The following ZNF726 variants were observed in gnomAD, a reference collection of about 807,000 sequenced individuals.
The protein encoded by ZNF726 is zinc finger protein 726.
In ZNF726, 15 loss-of-function variants were observed where a neutral mutation model predicts 11.6. The ratio of observed to expected loss-of-function variants is 1.29; its 90% confidence interval spans 0.86 to 1.99. The LOEUF is 1.99. Among genes scored for constraint, ZNF726 ranks in the 30% most tolerant of loss-of-function variants. The pLI, the probability that ZNF726 is intolerant of heterozygous loss-of-function variation, is 0.00. For missense variants in ZNF726, 890 were observed against 725.6 expected (o/e 1.23, Z -2.60); for synonymous variants, 295 against 243.6 (o/e 1.21, Z -1.96).
At chr19:23,935,170 G>T (rs1320450515), downstream of ZNF726, 1 of 401,100 alleles carries the variant, frequency 2.5e-6, no homozygotes, top group South Asian at 1.8e-5. Flanking sequence ...ACATGTTGTG[G>T]GGAGAGACCC....
chr19:23,932,890 G>T lies in ZNF726; in HGVS notation c.774G>T (p.Lys258Asn). The change falls in exon 4 of 4, where the codon AAG becomes AAT. Residue 258 changes from lysine to asparagine, a missense_variant. Coordinates refer to ENST00000594466, the MANE Select transcript of ZNF726 (RefSeq NM_001244038.2). ...CTCATACTGGAGAGAAGCCTTACAA[G>T]TGTGAAGAATGTGGCAAAGCATTTA... ...KVTHTGEKPY[K>N]CEECGKAFSQ... The T allele has an allele frequency of 6.2e-7, 1 of 1,609,536 alleles. No homozygotes were observed. The highest frequency in any genetic ancestry group is 8.5e-7 in the Non-Finnish European group (1 of 1,178,380).
chr19:23,922,322 T>G (rs756555098), intron 3 of ZNF726, among the ~76,000 whole-genome samples: 1 of 152,192 alleles, frequency 6.6e-6, no homozygotes, highest in Non-Finnish European at 1.5e-5. Context: ...CAGGTCACTT[T>G]GGATTTCTAC....
intron 3 of ZNF726, among the ~76,000 whole-genome samples, chr19:23,922,497 C>T (rs1967877703): frequency 6.6e-6 from 1 of 152,208 alleles, no homozygotes; most frequent in African/African-American, 2.4e-5. Flanking sequence ...TGCCCATTGG[C>T]TCCCAAGACT....
rs746387409 is a variant in ZNF726 at position 23,932,905 on chromosome 19, C to A, written c.789C>A (p.Gly263=). The A allele has an allele frequency of 1.2e-6, 2 of 1,610,152 alleles. No homozygotes were observed. The highest frequency in any genetic ancestry group is 1.7e-6 in the Non-Finnish European group (2 of 1,178,748). The change falls in exon 4 of 4, where the codon GGC becomes GGA. Residue 263 remains glycine, a synonymous_variant. Coordinates refer to ENST00000594466, the MANE Select transcript of ZNF726 (RefSeq NM_001244038.2). ...AGCCTTACAAGTGTGAAGAATGTGG[C>A]AAAGCATTTAGCCAATCCTCAACAC... ...GEKPYKCEEC[G]KAFSQSSTLT...
chr19:23,935,514 T>A (rs186651669), downstream of ZNF726: 1 of 410,218 alleles, frequency 2.4e-6, no homozygotes, highest in South Asian at 1.9e-5. Context: ...TTAACAGATA[T>A]AAGATTATTC....
downstream of ZNF726, chr19:23,935,610 C>T: frequency 6.3e-6 from 2 of 315,938 alleles, no homozygotes; most frequent in East Asian, 1.6e-4. Flanking sequence ...AATCATGCTG[C>T]TGACAAATCC....
intron 3 of ZNF726, among the ~76,000 whole-genome samples, chr19:23,929,899 C>A (rs1326459513): frequency 6.6e-6 from 1 of 151,954 alleles, no homozygotes; most frequent in African/African-American, 2.4e-5. Context: ...TAATAGAGAG[C>A]TTTATTTTAT....
chr19:23,939,975 C>T (rs1968312530), intron 3 of ZNF726, among the ~76,000 whole-genome samples: 1 of 146,440 alleles, frequency 6.8e-6, no homozygotes, highest in South Asian at 2.2e-4. Context: ...TCTGTGAGTT[C>T]TCTGTTTACT....
At chr19:23,915,835 G>T (rs1395984936) in intron 1 of ZNF726, among the ~76,000 whole-genome samples, 3 of 152,064 alleles carry the variant, frequency 2.0e-5, no homozygotes, top group Non-Finnish European at 4.4e-5. Flanking sequence ...ACCCACCTCG[G>T]CCTTCCAAAG....
chr19:23,914,967 C>A lies in ZNF726; in HGVS notation c.-28C>A, dbSNP rs577493846. 1.2e-6 allele frequency: 2 copies of A among 1,613,590 alleles called. No individual in the cohort carries two copies. Among genetic ancestry groups the A allele is most frequent in the African/African-American group, 2.7e-5 (2 of 75,050 alleles). On this transcript the variant is annotated 5_prime_UTR_variant, in exon 1 of 4. The change creates a new upstream start codon in the 5' untranslated region. Coordinates refer to ENST00000594466, the MANE Select transcript of ZNF726 (RefSeq NM_001244038.2). The stretch of plus-strand genomic sequence containing the variant: ...TTTTAGGGGCGCAGCCTCTGTGGCC[C>A]TGTGACCTGCCCCCTGGAAGCCTAG...
chr19:23,924,445 A>G (rs955748094), intron 3 of ZNF726, among the ~76,000 whole-genome samples: 1 of 152,160 alleles, frequency 6.6e-6, no homozygotes, highest in African/African-American at 2.4e-5. Flanking sequence ...TGATGAATAT[A>G]TATTTCCTTT....
downstream of ZNF726, among the ~76,000 whole-genome samples, chr19:23,936,907 T>C (rs1041881376): frequency 6.6e-6 from 1 of 152,096 alleles, no homozygotes; most frequent in African/African-American, 2.4e-5. Flanking sequence ...TTTCCCCACC[T>C]GTCCCCCCTT....
At chr19:23,928,759 G>C (rs545830942) in intron 3 of ZNF726, 9 of 152,114 alleles carry the variant, frequency 5.9e-5, no homozygotes, top group African/African-American at 2.2e-4. Flanking sequence ...AGCCACTAAA[G>C]CATTTTATTT....
chr19:23,939,793 ATGTT>A (rs536441214), intron 3 of ZNF726, among the ~76,000 whole-genome samples: 49 of 147,722 alleles, frequency 3.3e-4, no homozygotes, highest in South Asian at 3.2e-3. Flanking sequence ...AACTTTTTAA[ATGTT>A]TGTTAGCCAT....
At chr19:23,918,579 C>T (rs1599450609) in intron 1 of ZNF726, among the ~76,000 whole-genome samples, 1 of 152,186 alleles carries the variant, frequency 6.6e-6, no homozygotes, top group Non-Finnish European at 1.5e-5. Flanking sequence ...CGTGCATCAG[C>T]ACACTATAAA....
intron 3 of ZNF726, among the ~76,000 whole-genome samples, chr19:23,929,561 C>T (rs1025873532): frequency 1.3e-5 from 2 of 152,170 alleles, no homozygotes; most frequent in Non-Finnish European, 2.9e-5. Flanking sequence ...ATTCAATTAC[C>T]TTCCACCACG....
At chr19:23,915,763 C>T (rs917237900) in intron 1 of ZNF726, among the ~76,000 whole-genome samples, 2 of 151,744 alleles carry the variant, frequency 1.3e-5, no homozygotes, top group Non-Finnish European at 2.9e-5. Flanking sequence ...TTATTTTTAG[C>T]GGAGACGGGG....
chr19:23,924,812 A>G (rs1217421690), intron 3 of ZNF726, among the ~76,000 whole-genome samples: 2 of 151,972 alleles, frequency 1.3e-5, no homozygotes, highest in Non-Finnish European at 2.9e-5. Context: ...GGATTACTTG[A>G]CGCTGGGAGT....
downstream of ZNF726, among the ~76,000 whole-genome samples, chr19:23,937,668 G>T (rs1304101867): frequency 6.6e-6 from 1 of 152,012 alleles, no homozygotes; most frequent in East Asian, 1.9e-4. Flanking sequence ...AGACTGGGCA[G>T]CCAGGCAGAG....
Sources: allele counts gnomAD v4.1 joint callset (sites outside exome capture counted in the v4.1 genomes callset), GRCh38; gene constraint gnomAD v4.1.1; transcripts MANE v1.5; gene names NCBI Gene and HGNC (gene_info 2026-07-23, HGNC 2026-07-21).